SEMA6C: variants seen among roughly 807,000 people sequenced by gnomAD.
SEMA6C encodes the protein semaphorin 6C.
In SEMA6C, 37 loss-of-function variants were observed where a neutral mutation model predicts 72.9. The ratio of observed to expected loss-of-function variants is 0.51; its 90% CI spans 0.39 to 0.67. The LOEUF (loss-of-function observed/expected upper bound fraction) is 0.67, where lower values mean the gene tolerates loss of function less well. Ranked by LOEUF, SEMA6C falls within the 30% of genes least tolerant of loss-of-function variation. SEMA6C has a pLI of 0.00. For synonymous variants in SEMA6C, 578 were observed against 554.1 expected, an observed-to-expected ratio of 1.04 and a Z score of -0.61; for missense variants, 1,189 against 1,263.6, an observed-to-expected ratio of 0.94 and a Z score of 0.89.
Position 151,134,390 on chromosome 1 carries a change from A to G in SEMA6C, c.1759+11T>C, listed in dbSNP as rs1434178982. 1 of 1,579,888 alleles carries G rather than the reference A, an allele frequency of 6.3e-7. No individual in the cohort carries two copies. Among genetic ancestry groups the G allele is most frequent in the Non-Finnish European group, 8.6e-7 (1 of 1,162,566 alleles). ...AGCAAGGGAAGGTGAGGTTGGGACA[A>G]GAGGACTCACCATAAGCAGAATCCC... is the stretch of plus-strand genomic sequence containing the variant. On this transcript the variant is annotated intron_variant, in intron 18 of 18. Coordinates refer to ENST00000368914, the MANE Select transcript of SEMA6C (RefSeq NM_030913.6).
chr1:151,135,685 C>T lies in SEMA6C; in HGVS notation c.1339G>A (p.Asp447Asn), dbSNP rs375130927. Residue 447 changes from aspartate to asparagine, a missense_variant, in exon 14 of 19, where the codon GAT becomes AAT. Physicochemically the swap from Asp to Asn is conservative, Grantham distance 23. Transcript: ENST00000368914. ...GTCAGCACCTTCAGCACTGTCCCATCATTGGAGCCAAGGAACATGACTGTG... is the reference window on the plus strand; with the variant it reads ...GTCAGCACCTTCAGCACTGTCCCATTATTGGAGCCAAGGAACATGACTGTG... ...NITVMFLGSN[D>N]GTVLKVLTPG... 6.2e-7 allele frequency: 1 copy of T among 1,614,210 alleles called. No homozygotes were observed. Among genetic ancestry groups the T allele is most frequent in the Non-Finnish European group, 8.5e-7 (1 of 1,180,020 alleles).
At position 151,133,330 on chromosome 1, in the gene SEMA6C, G is replaced by A; in HGVS notation, c.1947C>T (p.Leu649=). The A allele has an allele frequency of 1.3e-6, 2 of 1,595,234 alleles. No individual in the cohort carries two copies. The highest frequency in any genetic ancestry group is 2.2e-5 in the South Asian group (2 of 89,518). The change falls in exon 19 of 19, where the codon CTC becomes CTT. Residue 649 remains leucine (L), a synonymous_variant. Coordinates refer to ENST00000368914, the MANE Select transcript of SEMA6C (RefSeq NM_030913.6). This position sits in a 1 kb window ranked among gnomAD's most constrained non-coding sequence, Gnocchi z 5.9. ...GGAGCCGGGCCAAACTGCGGAGGGAGAGAGGGCGCGGGAGCCCCGGAGTCT... is the reference window on the plus strand; with the variant it reads ...GGAGCCGGGCCAAACTGCGGAGGGAAAGAGGGCGCGGGAGCCCCGGAGTCT... ...DIETPGLPRP[L]SLRSLARLHG... is the part of the protein sequence containing the mutation.
At chr1:151,143,950 G>A (rs969264122) in intron 2 of SEMA6C, among the ~76,000 whole-genome samples, 5 of 151,972 alleles carry the variant, frequency 3.3e-5, no homozygotes, top group Non-Finnish European at 7.4e-5. Flanking sequence ...TACTCTCCCA[G>A]CCAGGACCCA....
rs1184465388 is a variant in SEMA6C, at chr1:151,139,480, T to C, written c.299A>G (p.Tyr100Cys). ...EEGEGLVPNKYLTWRSQDVEN... is the reference protein window; with the variant it reads ...EEGEGLVPNKCLTWRSQDVEN... ...CACATCTTGGCTTCTCCATGTTAGA[T>C]ACTGAAGGGATAAGTTGAAGAGGGA... The change falls in exon 6 of 19, where the codon TAT becomes TGT. Residue 100 changes from tyrosine (Y) to cysteine (C), a missense_variant and splice_region_variant. This residue lies in a region of SEMA6C where 468 missense variants were observed against 577.4 expected (regional missense o/e 0.81). Transcript: ENST00000368914. 3.1e-6 allele frequency: 5 copies of C among 1,613,864 alleles called. No individual in the cohort carries two copies. In the African/African-American group the frequency reaches 4.0e-5, roughly 13 times the overall value.
At chr1:151,138,772 G>A in intron 6 of SEMA6C, 41 bp from the exon 7 acceptor site, 1 of 1,488,482 alleles carries the variant, frequency 6.7e-7, no homozygotes, top group Non-Finnish European at 9.4e-7. Context: ...AGAGGGTCCT[G>A]GGACTGAGAA....
intron 15 of SEMA6C, 95 bp from the exon 16 acceptor site, chr1:151,134,970 C>T: frequency 7.3e-7 from 1 of 1,370,266 alleles, no homozygotes; most frequent in African/African-American, 1.4e-5. Context: ...CAGGAGGCTC[C>T]CAGCCTCATT....
intron 3 of SEMA6C, 103 bp downstream of exon 3, chr1:151,142,401 G>T: frequency 7.9e-7 from 1 of 1,270,754 alleles, no homozygotes; most frequent in Non-Finnish European, 1.1e-6. Context: ...CTGGCTGTTA[G>T]CTTCCTGAGG....
chr1:151,136,399 C>T, intron 12 of SEMA6C, 49 bp downstream of exon 12: 2 of 1,595,596 alleles, frequency 1.3e-6, no homozygotes, highest in African/African-American at 1.4e-5. Context: ...ATCTTGGGGG[C>T]AGACGCTGCT....
In SEMA6C at chr1:151,136,091, C is replaced by T. The variant is rs1281594076; in HGVS notation, c.1179G>A (p.Leu393=). ...GCAGCGGGTGAGCCTTGATGAAGGTCAGGACATCATCAGGGAGGTCTCGGG... is the reference window on the plus strand; with the variant it reads ...GCAGCGGGTGAGCCTTGATGAAGGTTAGGACATCATCAGGGAGGTCTCGGG... ...SSSRDLPDDV[L]TFIKAHPLLD... is the part of the protein sequence containing the mutation. The change falls in exon 13 of 19, where the codon CTG becomes CTA. Residue 393 remains leucine (L), a synonymous_variant. Coordinates refer to ENST00000368914, the MANE Select transcript of SEMA6C (RefSeq NM_030913.6). 4 of 1,613,926 alleles carry T rather than the reference C, an allele frequency of 2.5e-6. No individual in the cohort carries two copies. In the African/African-American group the frequency reaches 5.3e-5, roughly 22 times the overall value.
chr1:151,136,832 T>G (rs1572030899), intron 11 of SEMA6C, 25 bp downstream of exon 11: 1 of 1,597,804 alleles, frequency 6.3e-7, no homozygotes, highest in Non-Finnish European at 8.6e-7. Flanking sequence ...ACAGATTGGG[T>G]CACACTAGTC....
In SEMA6C at chr1:151,133,569, G is replaced by A; in HGVS notation, c.1760-52C>T. On this transcript the variant is annotated intron_variant, in intron 18 of 18. Transcript: ENST00000368914. The surrounding 1 kb of genome is among the most constrained non-coding windows in gnomAD (Gnocchi z 5.9). ...CTCAGCCAAGGGGAGGCGGTGCGGG[G>A]TACCTAGGCCCAGAGGCGCCGGCAG... 6.9e-7 allele frequency: 1 copy of A among 1,450,998 alleles called. No homozygotes were observed. Among genetic ancestry groups the A allele is most frequent in the Non-Finnish European group, 9.0e-7 (1 of 1,106,146 alleles). 89.9% of individuals were successfully genotyped at this position (1,450,998 alleles called of 1,614,324 possible).
chr1:151,134,100 TAC>T (rs766441642), intron 18 of SEMA6C: 28 of 1,318,802 alleles, frequency 2.1e-5, no homozygotes, highest in Non-Finnish European at 2.9e-5. Flanking sequence ...TCTTGATCTC[TAC>T]CCCTGACACC....
intron 18 of SEMA6C, chr1:151,134,143 A>T: frequency 1.0e-6 from 1 of 992,754 alleles, no homozygotes; most frequent in Non-Finnish European, 1.5e-6. Context: ...CTCCTGTGGA[A>T]CCCAGGAGTC....
chr1:151,134,127 T>C, intron 18 of SEMA6C: 1 of 1,145,344 alleles, frequency 8.7e-7, no homozygotes, highest in East Asian at 2.6e-5. Flanking sequence ...CAGGGGTCCT[T>C]CCTCCCTCCT....
chr1:151,133,896 T>C lies in SEMA6C; in HGVS notation c.1760-379A>G, dbSNP rs1414072291. ...ACCAAACACCATTCAGTGAGGGGCT[T>C]AGAACGCTCCGAGAATCAGCAGCCC... is the stretch of plus-strand genomic sequence containing the variant. On this transcript the variant is annotated intron_variant, in intron 18 of 18. Transcript: ENST00000368914. This position sits in a 1 kb window ranked among gnomAD's most constrained non-coding sequence, Gnocchi z 5.9. 1 of 1,353,778 alleles carries C rather than the reference T, an allele frequency of 7.4e-7. No homozygotes were observed. The highest frequency in any genetic ancestry group is 1.0e-6 in the Non-Finnish European group (1 of 969,264). The allele number at this position is 1,353,778 out of a possible 1,614,324, so 83.9% of individuals were successfully genotyped here.
intron 11 of SEMA6C, 54 bp from the exon 12 acceptor site, chr1:151,136,633 C>T: frequency 1.2e-6 from 2 of 1,604,634 alleles, no homozygotes; most frequent in Non-Finnish European, 1.7e-6. Context: ...TGCACAACTT[C>T]CCCCAGGAAG....
At chr1:151,140,298 C>T (rs973880835) in intron 3 of SEMA6C, among the ~76,000 whole-genome samples, 1 of 152,178 alleles carries the variant, frequency 6.6e-6, no homozygotes, top group Non-Finnish European at 1.5e-5. Context: ...AATACATGGT[C>T]CTATGAGGTA....
At position 151,133,313 on chromosome 1, in the gene SEMA6C, G is replaced by A. The variant is rs1681730925; in HGVS notation, c.1964C>T (p.Ala655Val). Residue 655 changes from alanine (A) to valine (V), a missense_variant, in exon 19 of 19, where the codon GCC (alanine) becomes GTC (valine). Around this residue, in one of 2 missense-constraint regions of SEMA6C, gnomAD observed 721 missense variants for 686.2 expected, o/e 1.05. Coordinates refer to ENST00000368914, the MANE Select transcript of SEMA6C (RefSeq NM_030913.6). The surrounding 1 kb of genome is among the most constrained non-coding windows in gnomAD (Gnocchi z 5.9). ...CTCTGGGCCCCCACCGTGGAGCCGG[G>A]CCAAACTGCGGAGGGAGAGAGGGCG... is the stretch of plus-strand genomic sequence containing the variant. The part of the protein sequence containing the change: ...LPRPLSLRSL[A>V]RLHGGGPEPP... 3.1e-6 allele frequency: 5 copies of A among 1,589,258 alleles called. No individual in the cohort carries two copies. The South Asian group carries it at 4.5e-5, about 14-fold the overall frequency.
At chr1:151,136,253 G>A in intron 12 of SEMA6C, 90 bp from the exon 13 acceptor site, 1 of 1,553,150 alleles carries the variant, frequency 6.4e-7, no homozygotes, top group African/African-American at 1.4e-5. Flanking sequence ...AACCTGACTG[G>A]AAAGCCTTGC....
Sources: gnomAD v4.1 joint callset for allele counts (sites outside exome capture counted in the v4.1 genomes callset) on GRCh38, gnomAD v4.1.1 for gene constraint, gnomAD v4.1.1 regional missense constraint, Gnocchi (gnomAD v3.1) non-coding constraint, MANE v1.5 for transcripts, NCBI Gene and HGNC (gene_info 2026-07-23, HGNC 2026-07-21) for gene names.